Variants in CAMKMT observed in about 807,000 individuals in gnomAD.
CAMKMT encodes the protein CaM KMT.
CAMKMT carries 53 observed loss-of-function variants against 48.0 expected under a neutral mutation model. The ratio of observed to expected loss-of-function variants is 1.10; its 90% CI spans 0.89 to 1.39. CAMKMT has a LOEUF of 1.39. CAMKMT is among the 40% of genes most tolerant of loss of function. CAMKMT has a pLI of 0.00. For missense variants in CAMKMT, 428 were observed against 402.7 expected, an observed-to-expected ratio of 1.06 and a Z score of -0.54; for synonymous variants, 165 against 152.3, an observed-to-expected ratio of 1.08 and a Z score of -0.61.
chr2:44,555,835 C>T (rs944134262), intron 3 of CAMKMT, among the ~76,000 whole-genome samples: 1 of 152,072 alleles, frequency 6.6e-6, no homozygotes, highest in Non-Finnish European at 1.5e-5. Flanking sequence ...ATGTCAAATC[C>T]TGCAGAGCTT....
At chr2:44,513,773 C>T (rs892726527) in intron 3 of CAMKMT, among the ~76,000 whole-genome samples, 7 of 152,070 alleles carry the variant, frequency 4.6e-5, no homozygotes, top group African/African-American at 1.4e-4. Flanking sequence ...GCAGACATTT[C>T]CCCCAACTTC....
At chr2:44,631,298 G>A (rs1672806401) in intron 3 of CAMKMT, among the ~76,000 whole-genome samples, 1 of 152,112 alleles carries the variant, frequency 6.6e-6, no homozygotes, top group East Asian at 1.9e-4. Context: ...CCTAATGCTA[G>A]ATGACGAGTT....
intron 3 of CAMKMT, among the ~76,000 whole-genome samples, chr2:44,557,496 G>C (rs999411105): frequency 6.6e-6 from 1 of 152,116 alleles, no homozygotes; most frequent in South Asian, 2.1e-4. Flanking sequence ...GAATGGTCTG[G>C]TGATGTTGCT....
chr2:44,711,196 C>T (rs530042956), intron 6 of CAMKMT, among the ~76,000 whole-genome samples: 75 of 152,294 alleles, frequency 4.9e-4, no homozygotes, highest in South Asian at 1.0e-3. Context: ...CTTCCATCTA[C>T]TGATGAGTCA....
chr2:44,538,699 A>G (rs1666918543), intron 3 of CAMKMT, among the ~76,000 whole-genome samples: 2 of 152,098 alleles, frequency 1.3e-5, no homozygotes, highest in South Asian at 4.2e-4. Flanking sequence ...TGGGTGTGCT[A>G]AAATCTCAGA....
In CAMKMT at chr2:44,429,871, C is replaced by G. The variant is rs530485890; in HGVS notation, c.376+39566C>G. Among the ~76,000 whole-genome samples the G allele has an allele frequency of 2.7e-5, 4 of 149,736 alleles. No homozygotes were observed. The South Asian group carries it at 8.5e-4, about 32-fold the overall frequency. ...CCTATCAGAGTCAGGTGCTAATTTA[C>G]CCATAATTATGTAGGGTCTCATTAT... On this transcript the variant is annotated intron_variant, in intron 3 of 10. Coordinates refer to ENST00000378494, the MANE Select transcript of CAMKMT (RefSeq NM_024766.5).
At chr2:44,457,402 T>C (rs1667619930) in intron 3 of CAMKMT, 2 of 128,724 alleles carry the variant, frequency 1.6e-5, no homozygotes, top group Non-Finnish European at 3.1e-5. Flanking sequence ...TCTTTCTCTC[T>C]TTTTTTTTTT....
At chr2:44,372,683 A>G (rs765762694) in intron 1 of CAMKMT, 33 bp from the exon 2 acceptor site, 11 of 1,595,336 alleles carry the variant, frequency 6.9e-6, no homozygotes, top group Middle Eastern at 1.7e-4. Flanking sequence ...ATGTTTAGAT[A>G]ACATGACTGC....
intron 3 of CAMKMT, among the ~76,000 whole-genome samples, chr2:44,608,932 G>A (rs1671449307): frequency 6.6e-6 from 1 of 152,164 alleles, no homozygotes; most frequent in Non-Finnish European, 1.5e-5. Context: ...TACTTTGAAT[G>A]TAAATCTCAA....
intron 3 of CAMKMT, among the ~76,000 whole-genome samples, chr2:44,605,969 C>A (rs753868124): frequency 1.4e-4 from 22 of 152,126 alleles, no homozygotes; most frequent in Admixed American, 7.2e-4. Flanking sequence ...CAGAAAAATA[C>A]TAAAGAAAGT....
chr2:44,739,114 G>T (rs1454963602), intron 7 of CAMKMT, among the ~76,000 whole-genome samples: 1 of 152,186 alleles, frequency 6.6e-6, no homozygotes, highest in Non-Finnish European at 1.5e-5. Context: ...AAAGACTTTG[G>T]CTTTTGCTCT....
chr2:44,537,257 CTATT>C (rs969076534), intron 3 of CAMKMT, among the ~76,000 whole-genome samples: 5 of 152,124 alleles, frequency 3.3e-5, no homozygotes, highest in African/African-American at 9.7e-5. Context: ...TATTTGCAAA[CTATT>C]TATCTGACAA....
In CAMKMT at chr2:44,766,535, G is replaced by A; in HGVS notation, c.868G>A (p.Glu290Lys). ...FCIQRHENYDEHISNFHSKLK... is the reference protein window; with the variant it reads ...FCIQRHENYDKHISNFHSKLK... Reference sequence around the variant, plus strand: ...TATCCAAAGACATGAAAATTATGATGAACACATTTCAAACTTCCACTCCAA... The same window carrying A: ...TATCCAAAGACATGAAAATTATGATAAACACATTTCAAACTTCCACTCCAA... The change falls in exon 10 of 11, where the codon GAA becomes AAA. Residue 290 changes from glutamate (E) to lysine (K), a missense_variant. Transcript: ENST00000378494. The A allele has an allele frequency of 6.2e-7, 1 of 1,614,044 alleles. No individual in the cohort carries two copies. The highest frequency in any genetic ancestry group is 2.2e-5 in the East Asian group (1 of 44,868).
At chr2:44,562,965 T>G (rs1668404466) in intron 3 of CAMKMT, among the ~76,000 whole-genome samples, 1 of 152,224 alleles carries the variant, frequency 6.6e-6, no homozygotes, top group Non-Finnish European at 1.5e-5. Context: ...GAGAAAATGA[T>G]AACTAAGTAT....
chr2:44,428,038 A>C (rs955433235), intron 3 of CAMKMT, among the ~76,000 whole-genome samples: 8 of 152,308 alleles, frequency 5.3e-5, no homozygotes, highest in Non-Finnish European at 1.0e-4. Flanking sequence ...TGTGTGTTAC[A>C]AACAATGCTC....
At chr2:44,569,595 C>G (rs1668799314) in intron 3 of CAMKMT, among the ~76,000 whole-genome samples, 1 of 152,112 alleles carries the variant, frequency 6.6e-6, no homozygotes, top group Non-Finnish European at 1.5e-5. Flanking sequence ...CATTGCATCT[C>G]TTCTCTCAGT....
intron 3 of CAMKMT, among the ~76,000 whole-genome samples, chr2:44,530,850 A>G (rs1046138850): frequency 6.6e-6 from 1 of 152,034 alleles, no homozygotes; most frequent in African/African-American, 2.4e-5. Context: ...ACTATTTATG[A>G]ACCTGTGAAA....
At chr2:44,450,472 CA>C (rs1349823565) in intron 3 of CAMKMT, among the ~76,000 whole-genome samples, 1 of 152,076 alleles carries the variant, frequency 6.6e-6, no homozygotes, top group Non-Finnish European at 1.5e-5. Context: ...GGTTCATCAA[CA>C]AATACAAACC....
intron 3 of CAMKMT, among the ~76,000 whole-genome samples, chr2:44,446,728 CTTG>C (rs969758995): frequency 1.6e-4 from 24 of 152,322 alleles, no homozygotes; most frequent in Admixed American, 1.4e-3. Context: ...CACTGTATAC[CTTG>C]TTGTGCTGCC....
Sources: gnomAD v4.1 joint callset for allele counts (sites outside exome capture counted in the v4.1 genomes callset) on GRCh38, gnomAD v4.1.1 for gene constraint, MANE v1.5 for transcripts, NCBI Gene and HGNC (gene_info 2026-07-23, HGNC 2026-07-21) for gene names.